SGCD: variants seen among roughly 807,000 people sequenced by gnomAD.
SGCD encodes sarcoglycan delta.
A neutral mutation model predicts 36.6 loss-of-function variants in SGCD; 18 were observed. The ratio of observed to expected loss-of-function variants is 0.49; its 90% CI spans 0.34 to 0.73. The LOEUF (loss-of-function observed/expected upper bound fraction) is 0.73. SGCD is among the 30% of genes least tolerant of loss of function. The pLI is 0.01. For synonymous variants in SGCD, 133 were observed against 130.6 expected (o/e 1.02, Z -0.12); for missense variants, 387 against 346.7 (o/e 1.12, Z -0.92).
At chr5:156,675,935 C>T (rs962137167) in intron 7 of SGCD, among the ~76,000 whole-genome samples, 1 of 152,108 alleles carries the variant, frequency 6.6e-6, no homozygotes, top group African/African-American at 2.4e-5. Flanking sequence ...TCAGACCAAG[C>T]AGAAAATCTC....
intron 3 of SGCD, among the ~76,000 whole-genome samples, chr5:156,310,882 C>T (rs1767374637): frequency 6.6e-6 from 1 of 152,150 alleles, no homozygotes; most frequent in Non-Finnish European, 1.5e-5. Context: ...ACTTGTAATT[C>T]TACAGAGGAG....
At chr5:156,713,531 C>T (rs984354775) in intron 7 of SGCD, among the ~76,000 whole-genome samples, 6 of 152,100 alleles carry the variant, frequency 3.9e-5, no homozygotes, top group African/African-American at 9.7e-5. Flanking sequence ...TTGTGGTAAA[C>T]GCTTCTCTGT....
At chr5:155,889,381 A>G (rs1756074730) in intron 1 of SGCD, among the ~76,000 whole-genome samples, 1 of 152,144 alleles carries the variant, frequency 6.6e-6, no homozygotes, top group African/African-American at 2.4e-5. Flanking sequence ...CTAAGAGCTA[A>G]TGTTTCTATA....
At chr5:156,740,134 T>C (rs62382383) in intron 7 of SGCD, among the ~76,000 whole-genome samples, 2,277 of 152,322 alleles carry the variant, frequency 0.015, 32 homozygotes, top group South Asian at 0.052. Context: ...AGAAAACTAA[T>C]TGGACCATGG....
intron 1 of SGCD, among the ~76,000 whole-genome samples, chr5:155,884,053 T>C (rs141200259): frequency 1.3e-5 from 2 of 152,268 alleles, no homozygotes; most frequent in African/African-American, 2.4e-5. Flanking sequence ...AGTTTTTCAA[T>C]GTTATTAGCA....
chr5:155,735,547 G>A, the SGCD span, among the ~76,000 whole-genome samples: 16 of 152,340 alleles, frequency 1.1e-4, 1 homozygote, highest in Middle Eastern at 0.024. Flanking sequence ...CACAGCCAGT[G>A]TGAATGCCAG....
intron 3 of SGCD, among the ~76,000 whole-genome samples, chr5:156,177,511 A>C (rs548842135): frequency 6.6e-6 from 1 of 152,314 alleles, no homozygotes; most frequent in African/African-American, 2.4e-5. Flanking sequence ...TTACTTGATT[A>C]TACAGTTCTC....
chr5:156,564,306 C>T (rs1009590506), intron 4 of SGCD, among the ~76,000 whole-genome samples: 4 of 151,870 alleles, frequency 2.6e-5, no homozygotes, highest in East Asian at 1.9e-4. Context: ...AAAAATTAGC[C>T]GGGCTTGGTG....
At chr5:156,480,901 G>A (rs1308004781) in intron 3 of SGCD, among the ~76,000 whole-genome samples, 3 of 152,178 alleles carry the variant, frequency 2.0e-5, no homozygotes, top group Non-Finnish European at 4.4e-5. Context: ...AGAATACTAT[G>A]TAAAAGGTCA....
intron 7 of SGCD, among the ~76,000 whole-genome samples, chr5:156,733,534 G>A (rs982105094): frequency 6.6e-6 from 1 of 152,034 alleles, no homozygotes; most frequent in Non-Finnish European, 1.5e-5. Context: ...TATCAGGTCC[G>A]TGTAATTTAG....
chr5:156,602,872 T>A (rs1359338856), intron 6 of SGCD, among the ~76,000 whole-genome samples: 1 of 152,190 alleles, frequency 6.6e-6, no homozygotes, highest in Non-Finnish European at 1.5e-5. Flanking sequence ...TTTGTATCTA[T>A]GTTCGTCAGA....
At chr5:156,738,706 A>AAAAG (rs1756503278) in intron 7 of SGCD, 1 of 152,250 alleles carries the variant, frequency 6.6e-6, no homozygotes, top group South Asian at 2.1e-4. Flanking sequence ...AGTTAGGAAC[A>AAAAG]AAAGAAATCA....
At position 156,121,061 on chromosome 5, in the gene SGCD, G is replaced by C. The variant is rs538641048; in HGVS notation, c.-207-2795G>C. Among the ~76,000 whole-genome samples, 19 of 152,252 alleles carry C rather than the reference G, an allele frequency of 1.2e-4. 1 individual carries two copies. The South Asian group carries it at 3.5e-3, about 28-fold the overall frequency. ...GCCCAGGAATGTGGGGGCAGCTGGGGTAGCTGCATACAACTGATCCTGGAG... is the reference window on the plus strand; with the variant it reads ...GCCCAGGAATGTGGGGGCAGCTGGGCTAGCTGCATACAACTGATCCTGGAG... On this transcript the variant is annotated intron_variant, in intron 2 of 9. Coordinates refer to the SGCD transcript ENST00000517913.
At chr5:155,862,958 T>G in the SGCD span, among the ~76,000 whole-genome samples, 1 of 152,134 alleles carries the variant, frequency 6.6e-6, no homozygotes. Flanking sequence ...AGAGAGAAAA[T>G]CCAGAGGGAA....
At chr5:155,988,698 A>C (rs1220796714) in intron 1 of SGCD, among the ~76,000 whole-genome samples, 1 of 152,200 alleles carries the variant, frequency 6.6e-6, no homozygotes, top group East Asian at 1.9e-4. Context: ...TGTTTGTGGG[A>C]GGTAAAAATA....
the SGCD span, among the ~76,000 whole-genome samples, chr5:155,808,183 A>C: frequency 3.3e-5 from 5 of 152,198 alleles, no homozygotes; most frequent in Admixed American, 6.5e-5. Flanking sequence ...ACTTGGAGTG[A>C]GAACAAACAG....
intron 3 of SGCD, among the ~76,000 whole-genome samples, chr5:156,198,307 A>G (rs971530547): frequency 6.6e-6 from 1 of 152,156 alleles, no homozygotes; most frequent in African/African-American, 2.4e-5. Flanking sequence ...TGCTGTATCG[A>G]TGATTGTTAT....
chr5:156,407,731 TAAAG>T (rs1772500866), intron 3 of SGCD, among the ~76,000 whole-genome samples: 1 of 152,040 alleles, frequency 6.6e-6, no homozygotes, highest in Non-Finnish European at 1.5e-5. Context: ...GTGGGGGAAA[TAAAG>T]GAGGAAGGGG....
At chr5:155,827,185 C>T in the SGCD span, among the ~76,000 whole-genome samples, 11 of 152,226 alleles carry the variant, frequency 7.2e-5, no homozygotes, top group East Asian at 1.9e-4. Context: ...AAATACCTAA[C>T]GGATCAGTTA....
Sources: gnomAD v4.1 joint callset for allele counts (sites outside exome capture counted in the v4.1 genomes callset) on GRCh38, gnomAD v4.1.1 for gene constraint, MANE v1.5 for transcripts, NCBI Gene and HGNC (gene_info 2026-07-23, HGNC 2026-07-21) for gene names.